CHD6: variants seen among roughly 807,000 people sequenced by gnomAD.
CHD6 encodes ATP-dependent chromatin remodeler CHD6.
CHD6 carries 50 observed loss-of-function variants against 276.9 expected under a neutral mutation model. The ratio of observed to expected loss-of-function variants is 0.18; its 90% confidence interval spans 0.14 to 0.23. CHD6 has a LOEUF of 0.23. CHD6 is among the 10% of genes least tolerant of loss of function. The pLI is 1.00. For synonymous variants in CHD6, 1,173 were observed against 1,229.3 expected, an observed-to-expected ratio of 0.95 and a Z score of 0.96; for missense variants, 2,564 against 3,365.8, an observed-to-expected ratio of 0.76 and a Z score of 5.89.
At chr20:41,572,337 C>T (rs573300052) in intron 1 of CHD6, among the ~76,000 whole-genome samples, 9 of 152,144 alleles carry the variant, frequency 5.9e-5, no homozygotes, top group Non-Finnish European at 1.2e-4. Flanking sequence ...GTTCTGCCTA[C>T]CACATGCACA....
At chr20:41,441,107 C>T (rs192819873) in intron 25 of CHD6, among the ~76,000 whole-genome samples, 6 of 152,278 alleles carry the variant, frequency 3.9e-5, no homozygotes, top group East Asian at 3.9e-4. Context: ...GTACCTGGCA[C>T]GAGAAGCTCT....
rs771707248 is a variant in CHD6 at position 41,416,667 on chromosome 20, G to C, written c.6407C>G (p.Ser2136Cys). ...TTCCGGCTCTGAGAGGCTGGTTCGA[G>C]AACCAGCACTGCTGGTTAATACCGG... ...PTPVLTSSAG[S>C]RTSLSEPEAA... The change falls in exon 33 of 37, where the codon TCT (serine) becomes TGT (cysteine). Residue 2136 changes from serine to cysteine, a missense_variant. Coordinates refer to ENST00000373233, the MANE Select transcript of CHD6 (RefSeq NM_032221.5). 31 of 1,613,930 alleles carry C rather than the reference G, an allele frequency of 1.9e-5. No individual in the cohort carries two copies. In the South Asian group the frequency reaches 3.3e-4, roughly 17 times the overall value.
chr20:41,433,346 A>G (rs1255068966), intron 27 of CHD6, among the ~76,000 whole-genome samples: 1 of 152,206 alleles, frequency 6.6e-6, no homozygotes, highest in African/African-American at 2.4e-5. Flanking sequence ...GACAAAGAAA[A>G]AATCTTGAAA....
At chr20:41,442,217 ATTGTT>A (rs1377802862) in intron 25 of CHD6, among the ~76,000 whole-genome samples, 2 of 151,966 alleles carry the variant, frequency 1.3e-5, no homozygotes, top group Non-Finnish European at 2.9e-5. Context: ...AGGCAAGAGG[ATTGTT>A]TTGAGTCCAG....
At chr20:41,573,957 A>C (rs2045445880) in intron 1 of CHD6, among the ~76,000 whole-genome samples, 1 of 152,182 alleles carries the variant, frequency 6.6e-6, no homozygotes, top group Non-Finnish European at 1.5e-5. Flanking sequence ...CACAGGGAAA[A>C]GGGCAAGAGT....
chr20:41,512,501 A>C (rs1169126397), intron 5 of CHD6, among the ~76,000 whole-genome samples: 1 of 151,374 alleles, frequency 6.6e-6, no homozygotes, highest in East Asian at 1.9e-4. Flanking sequence ...CCCAAGCAGA[A>C]GGAACAACAG....
chr20:41,580,720 G>C (rs60039818), intron 1 of CHD6, among the ~76,000 whole-genome samples: 7,429 of 149,048 alleles, frequency 0.05, 643 homozygotes, highest in African/African-American at 0.18. Context: ...ATGGTAAAAA[G>C]GAGACACTAT....
intron 12 of CHD6, 118 bp from the exon 13 acceptor site, chr20:41,488,722 A>C: frequency 1.2e-6 from 1 of 813,454 alleles, no homozygotes. Context: ...GAAGACAAGC[A>C]CTGCTTTTCC....
intron 3 of CHD6, among the ~76,000 whole-genome samples, chr20:41,521,304 C>A (rs2044387835): frequency 6.6e-6 from 1 of 152,136 alleles, no homozygotes; most frequent in African/African-American, 2.4e-5. Flanking sequence ...GTATAGCAAA[C>A]CAATTCTGAA....
chr20:41,404,132 C>A lies in CHD6; in HGVS notation c.*461G>T. ...ATTTTAACTCAAAAATATGCACCAG[C>A]ACTTCCTTTTTCTGTGCTTTTTGGT... On this transcript the variant is annotated 3_prime_UTR_variant, in exon 37 of 37. Coordinates refer to ENST00000373233, the MANE Select transcript of CHD6 (RefSeq NM_032221.5). The A allele has an allele frequency of 9.5e-7, 1 of 1,057,248 alleles. No individual in the cohort carries two copies. Among genetic ancestry groups the A allele is most frequent in the Non-Finnish European group, 1.1e-6 (1 of 874,646 alleles). 65.5% of individuals were successfully genotyped at this position (1,057,248 alleles called of 1,614,324 possible). A position where few individuals can be genotyped will look rare whatever the true frequency, so the allele number is the denominator to read the frequency against.
chr20:41,423,435 G>A (rs2047260175), intron 30 of CHD6, 57 bp downstream of exon 30: 1 of 1,527,166 alleles, frequency 6.5e-7, no homozygotes, highest in Non-Finnish European at 9.1e-7. Flanking sequence ...TCTGCAATTT[G>A]AAAATCAGAA....
intron 3 of CHD6, among the ~76,000 whole-genome samples, chr20:41,515,984 T>C (rs1293947190): frequency 6.6e-6 from 1 of 152,208 alleles, no homozygotes; most frequent in Non-Finnish European, 1.5e-5. Flanking sequence ...TTTGAGAACA[T>C]GCATTTGAGC....
At chr20:41,418,081 C>G (rs1380407061) in intron 31 of CHD6, among the ~76,000 whole-genome samples, 2 of 152,170 alleles carry the variant, frequency 1.3e-5, no homozygotes, top group Non-Finnish European at 2.9e-5. Context: ...GTGGCTATTT[C>G]ACTTCTCAAT....
intron 1 of CHD6, among the ~76,000 whole-genome samples, chr20:41,556,205 C>T (rs1335017793): frequency 6.6e-6 from 1 of 151,852 alleles, no homozygotes; most frequent in Non-Finnish European, 1.5e-5. Flanking sequence ...GGCAGCAGTA[C>T]AGTCCAGCTT....
At chr20:41,448,352 G>A (rs1418680169) in intron 23 of CHD6, among the ~76,000 whole-genome samples, 1 of 152,184 alleles carries the variant, frequency 6.6e-6, no homozygotes, top group Non-Finnish European at 1.5e-5. Context: ...TTTTCAAACA[G>A]TTTCACTTGT....
At chr20:41,405,750 C>T (rs530611855) in intron 36 of CHD6, among the ~76,000 whole-genome samples, 10 of 152,216 alleles carry the variant, frequency 6.6e-5, no homozygotes, top group Non-Finnish European at 1.3e-4. Context: ...TTCCAACATG[C>T]TGACTGGCAA....
At chr20:41,428,767 G>C (rs1454436877) in intron 27 of CHD6, among the ~76,000 whole-genome samples, 1 of 152,208 alleles carries the variant, frequency 6.6e-6, no homozygotes, top group Non-Finnish European at 1.5e-5. Flanking sequence ...GAAGAGGGCA[G>C]GGGAGATAGC....
At chr20:41,561,884 C>T (rs1289059999) in intron 1 of CHD6, among the ~76,000 whole-genome samples, 1 of 152,176 alleles carries the variant, frequency 6.6e-6, no homozygotes, top group Non-Finnish European at 1.5e-5. Flanking sequence ...TTAGAATCAT[C>T]TTTTCAAAAT....
chr20:41,517,954 T>G (rs1280479646), intron 3 of CHD6, among the ~76,000 whole-genome samples: 2 of 152,252 alleles, frequency 1.3e-5, no homozygotes, highest in Non-Finnish European at 2.9e-5. Flanking sequence ...TCCTTTAATG[T>G]TATTTGAATC....
Sources: allele counts gnomAD v4.1 joint callset (sites outside exome capture counted in the v4.1 genomes callset), GRCh38; gene constraint gnomAD v4.1.1; transcripts MANE v1.5; gene names NCBI Gene and HGNC (gene_info 2026-07-23, HGNC 2026-07-21).